ROBO1: variants seen among roughly 807,000 people sequenced by gnomAD.
ROBO1 encodes roundabout guidance receptor 1.
Under a neutral mutation model 195.9 loss-of-function variants are expected in ROBO1, and 149 were observed. The ratio of observed to expected loss-of-function variants is 0.76; its 90% confidence interval spans 0.67 to 0.87. ROBO1 has a LOEUF of 0.87. ROBO1 is among the 40% of genes least tolerant of loss of function. The pLI is 0.00. For synonymous variants in ROBO1, 816 were observed against 733.2 expected, an observed-to-expected ratio of 1.11 and a Z score of -1.82; for missense variants, 1,933 against 2,068.3, an observed-to-expected ratio of 0.93 and a Z score of 1.27.
intron 10 of ROBO1, among the ~76,000 whole-genome samples, chr3:78,678,032 G>A (rs1271038038): frequency 7.9e-5 from 12 of 151,924 alleles, no homozygotes; most frequent in East Asian, 1.9e-4. Flanking sequence ...ACTCAAAACC[G>A]CTCAACTACA....
chr3:78,958,362 T>C (rs2041151588), intron 3 of ROBO1, among the ~76,000 whole-genome samples: 1 of 152,208 alleles, frequency 6.6e-6, no homozygotes, highest in Non-Finnish European at 1.5e-5. Context: ...TTGTTAATTC[T>C]CAAAATAACT....
intron 1 of ROBO1, among the ~76,000 whole-genome samples, chr3:79,668,832 GAA>G (rs1342855671): frequency 1.3e-5 from 2 of 151,680 alleles, no homozygotes; most frequent in African/African-American, 2.4e-5. Flanking sequence ...CGGCTTCAAA[GAA>G]AACGGGAATA....
intron 1 of ROBO1, among the ~76,000 whole-genome samples, chr3:79,642,364 A>C (rs1945691368): frequency 6.6e-6 from 1 of 152,172 alleles, no homozygotes; most frequent in Non-Finnish European, 1.5e-5. Context: ...TTATTCAAGG[A>C]AATGGTAACA....
chr3:79,071,630 T>C (rs1048535535), intron 3 of ROBO1, among the ~76,000 whole-genome samples: 1 of 151,646 alleles, frequency 6.6e-6, no homozygotes, highest in Non-Finnish European at 1.5e-5. Context: ...TTTTAAAAAA[T>C]TCAATGATTT....
chr3:79,541,218 A>G (rs1448562301), intron 2 of ROBO1, among the ~76,000 whole-genome samples: 1 of 152,140 alleles, frequency 6.6e-6, no homozygotes, highest in Non-Finnish European at 1.5e-5. Flanking sequence ...ACGTTAATCC[A>G]CACTCATTCA....
chr3:78,950,327 A>C (rs2040704097), intron 3 of ROBO1, among the ~76,000 whole-genome samples: 2 of 152,092 alleles, frequency 1.3e-5, no homozygotes, highest in Admixed American at 6.5e-5. Context: ...AATACTATGC[A>C]ACCATAAAAG....
chr3:78,692,207 C>T (rs996652541), intron 8 of ROBO1, among the ~76,000 whole-genome samples: 2 of 151,832 alleles, frequency 1.3e-5, no homozygotes, highest in African/African-American at 2.4e-5. Flanking sequence ...TATTATTGAA[C>T]AATCCAACCT....
At position 79,608,766 on chromosome 3, in the gene ROBO1, T is replaced by G. The variant is rs116461132; in HGVS notation, c.-50-18805A>C. On this transcript the variant is annotated intron_variant, in intron 1 of 30. Transcript: ENST00000464233. ...ATTCCAAACCTCTCTGTGTTTAAAG[T>G]GTTTGACTTCTTCCCTAATGATCAC... Among the ~76,000 whole-genome samples the G allele has an allele frequency of 6.0e-3, 905 of 152,034 alleles. 12 individuals carry two copies. The highest frequency in any genetic ancestry group is 0.021 in the African/African-American group (880 of 41,532).
chr3:79,294,175 A>G (rs2032444003), intron 2 of ROBO1, among the ~76,000 whole-genome samples: 1 of 152,054 alleles, frequency 6.6e-6, no homozygotes, highest in African/African-American at 2.4e-5. Flanking sequence ...AGCTGGAGGC[A>G]TCATGCTACC....
At chr3:79,663,179 T>C (rs1946381340) in intron 1 of ROBO1, among the ~76,000 whole-genome samples, 1 of 152,058 alleles carries the variant, frequency 6.6e-6, no homozygotes, top group South Asian at 2.1e-4. Context: ...AGATTCTCTA[T>C]GGTTTACGAA....
chr3:79,677,886 G>T (rs1025912190), intron 1 of ROBO1, among the ~76,000 whole-genome samples: 2 of 152,090 alleles, frequency 1.3e-5, no homozygotes, highest in Non-Finnish European at 2.9e-5. Flanking sequence ...ATAGGACCCA[G>T]TTCAGCCATA....
At chr3:79,643,064 T>A (rs967762635) in intron 1 of ROBO1, among the ~76,000 whole-genome samples, 3 of 152,094 alleles carry the variant, frequency 2.0e-5, no homozygotes, top group African/African-American at 7.2e-5. Flanking sequence ...TATGTGGGCA[T>A]CATCTAATCA....
chr3:79,255,471 G>T lies in ROBO1; in HGVS notation c.89-129932C>A, dbSNP rs146245899. Among the ~76,000 whole-genome samples the T allele has an allele frequency of 2.5e-3, 385 of 152,212 alleles. 5 individuals carry two copies. Among genetic ancestry groups the T allele is most frequent in the African/African-American group, 8.0e-3 (333 of 41,538 alleles). ...AGACAAAATTGTATTGTTCTTGTAG[G>T]TGATTTTACTGCTGAGCTAAGGAAT... is the stretch of plus-strand genomic sequence containing the variant. On this transcript the variant is annotated intron_variant, in intron 2 of 30. Transcript: ENST00000464233.
intron 19 of ROBO1, among the ~76,000 whole-genome samples, chr3:78,651,069 G>T (rs1706620918): frequency 6.6e-6 from 1 of 152,110 alleles, no homozygotes; most frequent in Admixed American, 6.6e-5. Context: ...TGGCATATTT[G>T]GGTCATCTTT....
At chr3:79,286,370 T>C (rs2031886287) in intron 2 of ROBO1, among the ~76,000 whole-genome samples, 1 of 152,190 alleles carries the variant, frequency 6.6e-6, no homozygotes. Context: ...TAACACCATC[T>C]TTCGAATGTC....
intron 4 of ROBO1, among the ~76,000 whole-genome samples, chr3:78,857,852 C>T (rs2034547995): frequency 6.6e-6 from 1 of 152,142 alleles, no homozygotes; most frequent in East Asian, 1.9e-4. Context: ...TTAAGGGCGA[C>T]CCTTTTTCTC....
chr3:79,050,597 A>C (rs2078678116), intron 3 of ROBO1, among the ~76,000 whole-genome samples: 1 of 152,198 alleles, frequency 6.6e-6, no homozygotes, highest in Admixed American at 6.5e-5. Flanking sequence ...CCAAGTCAAC[A>C]GAATATACAT....
At chr3:79,590,479 G>A (rs745643310) in intron 1 of ROBO1, among the ~76,000 whole-genome samples, 1 of 151,736 alleles carries the variant, frequency 6.6e-6, no homozygotes. Context: ...AAATTACCAA[G>A]TGGTCTATTC....
At chr3:79,277,485 G>A (rs532224372) in intron 2 of ROBO1, among the ~76,000 whole-genome samples, 35 of 152,206 alleles carry the variant, frequency 2.3e-4, no homozygotes, top group Middle Eastern at 3.4e-3. Context: ...GGGTAGTGAT[G>A]TGGGGAGGAT....
Sources: gnomAD v4.1 joint callset for allele counts (sites outside exome capture counted in the v4.1 genomes callset) on GRCh38, gnomAD v4.1.1 for gene constraint, MANE v1.5 for transcripts, NCBI Gene and HGNC (gene_info 2026-07-23, HGNC 2026-07-21) for gene names.